The following EXOC4 variants were observed in gnomAD, a reference collection of about 807,000 sequenced individuals.
The protein encoded by EXOC4 is exocyst complex component 4, also known as SEC8-like 1.
In EXOC4, 71 loss-of-function variants were observed where a neutral mutation model predicts 107.2. The ratio of observed to expected loss-of-function variants is 0.66; its 90% CI spans 0.55 to 0.81. The LOEUF (loss-of-function observed/expected upper bound fraction) is 0.81, where lower values mean the gene tolerates loss of function less well. EXOC4 is among the 30% of genes least tolerant of loss of function. The pLI is 0.00. For synonymous variants in EXOC4, 456 were observed against 441.2 expected (o/e 1.03, Z -0.42); for missense variants, 1,108 against 1,189.6 (o/e 0.93, Z 1.01).
intron 11 of EXOC4, among the ~76,000 whole-genome samples, chr7:133,874,501 GC>G (rs1798810405): frequency 6.6e-6 from 1 of 152,064 alleles, no homozygotes; most frequent in Non-Finnish European, 1.5e-5. Context: ...TGGCACACTT[GC>G]TTGCACACTC....
chr7:133,416,122 A>C (rs1205137685), intron 7 of EXOC4, among the ~76,000 whole-genome samples: 2 of 152,178 alleles, frequency 1.3e-5, no homozygotes, highest in African/African-American at 2.4e-5. Flanking sequence ...AGCAAGGTTC[A>C]AAATCAAATT....
At chr7:133,275,881 C>A (rs1474872708) in intron 2 of EXOC4, among the ~76,000 whole-genome samples, 1 of 151,184 alleles carries the variant, frequency 6.6e-6, no homozygotes, top group Non-Finnish European at 1.5e-5. Flanking sequence ...TGGTGCATCA[C>A]TGAAGCCTTG....
intron 5 of EXOC4, among the ~76,000 whole-genome samples, chr7:133,330,571 C>T (rs999335043): frequency 2.0e-5 from 3 of 152,194 alleles, no homozygotes; most frequent in African/African-American, 7.2e-5. Flanking sequence ...TGGAGGGAAT[C>T]TCCTGGTCTG....
chr7:133,860,546 T>C (rs1311905255), intron 11 of EXOC4, among the ~76,000 whole-genome samples: 1 of 152,246 alleles, frequency 6.6e-6, no homozygotes, highest in African/African-American at 2.4e-5. Context: ...CCCTTACAGC[T>C]GCTTTGTGAC....
intron 9 of EXOC4, among the ~76,000 whole-genome samples, chr7:133,506,197 ATTGTT>A (rs1361389662): frequency 6.6e-6 from 1 of 152,112 alleles, no homozygotes; most frequent in Non-Finnish European, 1.5e-5. Flanking sequence ...CTTTAATATG[ATTGTT>A]TTAAGTTGTA....
chr7:133,466,609 A>T (rs1798734357), intron 7 of EXOC4, among the ~76,000 whole-genome samples: 1 of 152,198 alleles, frequency 6.6e-6, no homozygotes. Flanking sequence ...CAAACATTTA[A>T]AGATGAAATA....
chr7:133,581,707 G>A (rs1468950616), intron 9 of EXOC4, among the ~76,000 whole-genome samples: 1 of 146,140 alleles, frequency 6.8e-6, no homozygotes. Context: ...GCAGTGAGCC[G>A]GGATAGCGCC....
Position 133,421,133 on chromosome 7 carries a change from C to T in EXOC4, c.1182+46131C>T, listed in dbSNP as rs551947530. Among the ~76,000 whole-genome samples the T allele has an allele frequency of 9.2e-5, 14 of 152,172 alleles. No homozygotes were observed. In the East Asian group the frequency reaches 2.3e-3, roughly 25 times the overall value. On this transcript the variant is annotated intron_variant, in intron 7 of 17. Coordinates refer to ENST00000253861, the MANE Select transcript of EXOC4 (RefSeq NM_021807.4). ...GTTAAGTTCTGTCATTCTTCTCTTA[C>T]AGGGCTGTTGTGTGTGAATTGAATG...
intron 10 of EXOC4, among the ~76,000 whole-genome samples, chr7:133,633,796 C>A (rs1802644883): frequency 6.6e-6 from 1 of 152,100 alleles, no homozygotes; most frequent in Non-Finnish European, 1.5e-5. Context: ...AACATTGTAT[C>A]ATTTTTTTTT....
intron 1 of EXOC4, among the ~76,000 whole-genome samples, chr7:133,263,841 A>G (rs1368153251): frequency 1.3e-5 from 2 of 152,122 alleles, no homozygotes; most frequent in African/African-American, 4.8e-5. Flanking sequence ...AGTGCTATAT[A>G]TTCTTTATGT....
At chr7:133,724,006 T>A (rs1369240635) in intron 10 of EXOC4, among the ~76,000 whole-genome samples, 1 of 152,098 alleles carries the variant, frequency 6.6e-6, no homozygotes, top group African/African-American at 2.4e-5. Flanking sequence ...AGCCCTGAGT[T>A]ATATATATAT....
intron 10 of EXOC4, among the ~76,000 whole-genome samples, chr7:133,633,110 A>C (rs1362413492): frequency 6.6e-6 from 1 of 152,312 alleles, no homozygotes; most frequent in East Asian, 1.9e-4. Context: ...CTTACCTGCA[A>C]GCTCCTCTCT....
intron 7 of EXOC4, among the ~76,000 whole-genome samples, chr7:133,469,370 C>A (rs1226013998): frequency 6.6e-6 from 1 of 151,902 alleles, no homozygotes; most frequent in Non-Finnish European, 1.5e-5. Flanking sequence ...GAGCCGAGAT[C>A]GTGCCACTGC....
intron 10 of EXOC4, among the ~76,000 whole-genome samples, chr7:133,688,264 A>G (rs531584811): frequency 6.6e-5 from 10 of 152,308 alleles, no homozygotes; most frequent in Admixed American, 2.0e-4. Context: ...CACACAGTGC[A>G]TGGAATAGGC....
At chr7:133,849,436 A>G (rs1798197943) in intron 11 of EXOC4, among the ~76,000 whole-genome samples, 2 of 152,202 alleles carry the variant, frequency 1.3e-5, no homozygotes, top group South Asian at 2.1e-4. Flanking sequence ...AAAAAATAAA[A>G]AAAGAGCTTA....
chr7:134,021,604 A>G (rs1272745194), intron 17 of EXOC4, among the ~76,000 whole-genome samples: 1 of 152,020 alleles, frequency 6.6e-6, no homozygotes, highest in Non-Finnish European at 1.5e-5. Context: ...TCTAACCTTT[A>G]ACAATATAGG....
chr7:134,058,935 G>A (rs1168824246), intron 17 of EXOC4, among the ~76,000 whole-genome samples: 4 of 152,086 alleles, frequency 2.6e-5, no homozygotes, highest in Non-Finnish European at 5.9e-5. Context: ...GGATTGAAAT[G>A]CACCTAAAAG....
chr7:134,010,902 GTCTC>G (rs1327386966), intron 17 of EXOC4, among the ~76,000 whole-genome samples: 12 of 152,082 alleles, frequency 7.9e-5, no homozygotes, highest in Admixed American at 2.6e-4. Context: ...TTGTTATCTT[GTCTC>G]TCTCTTTTCA....
intron 17 of EXOC4, among the ~76,000 whole-genome samples, chr7:134,018,964 T>C (rs1175411377): frequency 6.6e-6 from 1 of 152,246 alleles, no homozygotes; most frequent in African/African-American, 2.4e-5. Flanking sequence ...TGACTCTTGC[T>C]CTGTCACCCA....
Sources: gnomAD v4.1 joint callset for allele counts (sites outside exome capture counted in the v4.1 genomes callset) on GRCh38, gnomAD v4.1.1 for gene constraint, MANE v1.5 for transcripts, NCBI Gene and HGNC (gene_info 2026-07-23, HGNC 2026-07-21) for gene names.